The following CTNNA3 variants were observed in gnomAD, a reference collection of about 807,000 sequenced individuals.
The protein encoded by CTNNA3 is catenin alpha 3, also known as catenin alpha-3.
In CTNNA3, 76 loss-of-function variants were observed where a neutral mutation model predicts 95.7. The ratio of observed to expected loss-of-function variants is 0.79; its 90% CI spans 0.66 to 0.96. The LOEUF (loss-of-function observed/expected upper bound fraction) is 0.96. Among genes scored for constraint, CTNNA3 ranks in the 40% least tolerant of loss-of-function variants. The pLI, the probability that CTNNA3 is intolerant of heterozygous loss-of-function variation, is 0.00. For missense variants in CTNNA3, 1,191 were observed against 1,089.8 expected (o/e 1.09, Z -1.31); for synonymous variants, 431 against 374.4 (o/e 1.15, Z -1.74).
chr10:66,277,923 C>A (rs1215033404), intron 13 of CTNNA3, among the ~76,000 whole-genome samples: 1 of 151,754 alleles, frequency 6.6e-6, no homozygotes, highest in Non-Finnish European at 1.5e-5. Flanking sequence ...GTTCTTAACA[C>A]TAATGCTCTT....
chr10:67,156,155 A>G (rs1861301489), intron 7 of CTNNA3, among the ~76,000 whole-genome samples: 1 of 151,934 alleles, frequency 6.6e-6, no homozygotes, highest in Non-Finnish European at 1.5e-5. Context: ...TCTGTCATTT[A>G]TAATTTTATT....
rs558913767 is a variant in CTNNA3 at position 66,515,345 on chromosome 10, C to CTCTCTATATATATATA, written c.1531+5271_1531+5272insTATATATATATAGAGA. 8.7e-5 allele frequency among the ~76,000 whole-genome samples: 13 copies of CTCTCTATATATATATA among 148,984 alleles called. 1 individual carries two copies. Among genetic ancestry groups the CTCTCTATATATATATA allele is most frequent in the South Asian group, 2.1e-4 (1 of 4,730 alleles). On this transcript the variant is annotated intron_variant, in intron 11 of 17. Transcript: ENST00000433211. ...TCCCTCTCTGTCTCTCTCTCTCTCT[C>CTCTCTATATATATATA]TATATATATATATAGTATTAGTATT...
intron 5 of CTNNA3, among the ~76,000 whole-genome samples, chr10:67,275,596 C>A (rs2132429151): frequency 6.6e-6 from 1 of 152,000 alleles, no homozygotes; most frequent in African/African-American, 2.4e-5. Flanking sequence ...AGGATAAAAT[C>A]AGAAATTAAT....
At chr10:66,248,808 A>G (rs986765657) in intron 13 of CTNNA3, among the ~76,000 whole-genome samples, 1 of 152,196 alleles carries the variant, frequency 6.6e-6, no homozygotes, top group African/African-American at 2.4e-5. Flanking sequence ...GGACACTTCA[A>G]CACCTCACTT....
chr10:67,284,972 T>C (rs902695603), intron 5 of CTNNA3, among the ~76,000 whole-genome samples: 3 of 152,162 alleles, frequency 2.0e-5, no homozygotes, highest in Admixed American at 6.5e-5. Context: ...CCAGGGGTAA[T>C]TGTTTAAAAG....
intron 5 of CTNNA3, among the ~76,000 whole-genome samples, chr10:67,377,066 C>T (rs1349195851): frequency 6.6e-6 from 1 of 152,216 alleles, no homozygotes; most frequent in Non-Finnish European, 1.5e-5. Flanking sequence ...TAAAAGTGCT[C>T]TCTTCCTCTA....
chr10:67,153,513 G>C (rs995655354), intron 7 of CTNNA3, among the ~76,000 whole-genome samples: 1 of 152,194 alleles, frequency 6.6e-6, no homozygotes, highest in Non-Finnish European at 1.5e-5. Flanking sequence ...ATTTCAGAAA[G>C]GTTGTGAAAT....
At chr10:66,590,989 G>A (rs1843529907) in intron 10 of CTNNA3, among the ~76,000 whole-genome samples, 1 of 152,130 alleles carries the variant, frequency 6.6e-6, no homozygotes, top group Non-Finnish European at 1.5e-5. Context: ...CTGAGTGGGA[G>A]TGGTTTTAAA....
intron 7 of CTNNA3, among the ~76,000 whole-genome samples, chr10:66,974,560 T>C (rs1234738881): frequency 1.3e-5 from 2 of 152,214 alleles, no homozygotes; most frequent in Non-Finnish European, 2.9e-5. Flanking sequence ...AGTGAATGCT[T>C]ACCTTTTTAA....
At chr10:66,849,184 G>A (rs1031930034) in intron 7 of CTNNA3, among the ~76,000 whole-genome samples, 5 of 152,148 alleles carry the variant, frequency 3.3e-5, no homozygotes, top group Admixed American at 1.3e-4. Flanking sequence ...GTCAAAAACC[G>A]TAATTTCTTT....
intron 12 of CTNNA3, among the ~76,000 whole-genome samples, chr10:66,300,760 A>AGTTTCT (rs2091850093): frequency 6.6e-6 from 1 of 152,080 alleles, no homozygotes; most frequent in Non-Finnish European, 1.5e-5. Context: ...CTAAGCTTCT[A>AGTTTCT]CTTTAAGAAA....
chr10:67,383,238 A>C (rs1347143531), intron 5 of CTNNA3, among the ~76,000 whole-genome samples: 3 of 152,176 alleles, frequency 2.0e-5, no homozygotes, highest in Non-Finnish European at 4.4e-5. Context: ...CTAAACAGGA[A>C]GTATAATGTT....
Position 66,523,132 on chromosome 10 carries a change from A to G in CTNNA3, c.1375-2359T>C, listed in dbSNP as rs988625926. Among the ~76,000 whole-genome samples the G allele has an allele frequency of 5.7e-4, 86 of 152,162 alleles. 1 individual carries two copies. The highest frequency in any genetic ancestry group is 1.9e-3 in the African/African-American group (78 of 41,432). On this transcript the variant is annotated intron_variant, in intron 10 of 17. Transcript: ENST00000433211. ...TTCAGTTTTAGAGTTTTATTAACCTATTAACTTACAATGTACCTTCGTGTA... is the reference window on the plus strand; with the variant it reads ...TTCAGTTTTAGAGTTTTATTAACCTGTTAACTTACAATGTACCTTCGTGTA...
At chr10:67,540,328 T>G (rs1258022421) in intron 3 of CTNNA3, among the ~76,000 whole-genome samples, 1 of 152,034 alleles carries the variant, frequency 6.6e-6, no homozygotes, top group Non-Finnish European at 1.5e-5. Context: ...CTCTCTTTAC[T>G]CCCATCCAAC....
chr10:67,137,516 A>G (rs1328283415), intron 7 of CTNNA3, among the ~76,000 whole-genome samples: 1 of 152,110 alleles, frequency 6.6e-6, no homozygotes, highest in Non-Finnish European at 1.5e-5. Flanking sequence ...TTCTGCTCCT[A>G]TATATGCAAG....
chr10:67,399,657 T>C (rs1844845681), intron 5 of CTNNA3, among the ~76,000 whole-genome samples: 1 of 152,200 alleles, frequency 6.6e-6, no homozygotes. Context: ...ACTCACATCC[T>C]ATGTCCTTAG....
At chr10:66,551,434 CTA>C (rs1266813308) in intron 10 of CTNNA3, among the ~76,000 whole-genome samples, 1 of 151,978 alleles carries the variant, frequency 6.6e-6, no homozygotes, top group African/African-American at 2.4e-5. Context: ...TATGATGTGT[CTA>C]TGGTTTTCTT....
intron 7 of CTNNA3, chr10:66,926,207 A>G (rs996255845): frequency 2.2e-6 from 1 of 452,012 alleles, no homozygotes; most frequent in Non-Finnish European, 4.4e-6. Context: ...GGTAGCCCCA[A>G]ATTGCCTGGA....
chr10:66,200,787 A>G (rs969219981), intron 13 of CTNNA3, among the ~76,000 whole-genome samples: 3 of 152,238 alleles, frequency 2.0e-5, no homozygotes, highest in Admixed American at 6.5e-5. Flanking sequence ...TATAAAATAT[A>G]ATTTAATAGC....
Sources: allele counts gnomAD v4.1 joint callset (sites outside exome capture counted in the v4.1 genomes callset), GRCh38; gene constraint gnomAD v4.1.1; transcripts MANE v1.5; gene names NCBI Gene and HGNC (gene_info 2026-07-23, HGNC 2026-07-21).